CCDC141: variants seen among roughly 807,000 people sequenced by gnomAD.
The protein encoded by CCDC141 is coiled-coil domain containing 141.
CCDC141 carries 168 observed loss-of-function variants against 181.0 expected under a neutral mutation model. The ratio of observed to expected loss-of-function variants is 0.93; its 90% CI spans 0.82 to 1.05. The LOEUF is 1.05. CCDC141 is among the 50% of genes least tolerant of loss of function. The pLI is 0.00. For synonymous variants in CCDC141, 666 were observed against 642.3 expected (o/e 1.04, Z -0.56); for missense variants, 1,902 against 1,788.5 (o/e 1.06, Z -1.14).
intron 6 of CCDC141, among the ~76,000 whole-genome samples, chr2:178,922,095 T>C (rs924165779): frequency 6.6e-6 from 1 of 152,212 alleles, no homozygotes; most frequent in South Asian, 2.1e-4. Context: ...AAATGAAATA[T>C]AGCCATTGCG....
chr2:178,980,442 T>A (rs1419224073), intron 2 of CCDC141, among the ~76,000 whole-genome samples: 2 of 151,924 alleles, frequency 1.3e-5, no homozygotes, highest in Non-Finnish European at 2.9e-5. Flanking sequence ...AGAGCGAGAC[T>A]CTGTCTCAAA....
rs1690383201 is a variant in CCDC141 at position 178,961,252 on chromosome 2, T to C, written c.758A>G (p.Gln253Arg). The C allele has an allele frequency of 6.5e-7, 1 of 1,550,270 alleles. No homozygotes were observed. The highest frequency in any genetic ancestry group is 2.0e-5 in the Admixed American group (1 of 50,986). Reference sequence around the variant, plus strand: ...TACCTGGTTTTCTTGTTGGTCCCACTGACATATCTGCAGAACTTGACTCAA... The same window carrying C: ...TACCTGGTTTTCTTGTTGGTCCCACCGACATATCTGCAGAACTTGACTCAA... ...QELSQVLQIC[Q>R]WDQQENQVTC... The change falls in exon 5 of 24, where the codon CAG becomes CGG. Residue 253 changes from glutamine to arginine, a missense_variant. Gln to Arg is a conservative substitution (Grantham distance 43, BLOSUM62 1). Transcript: ENST00000443758.
chr2:178,857,228 T>C (rs915004734), intron 17 of CCDC141, among the ~76,000 whole-genome samples: 19 of 152,304 alleles, frequency 1.2e-4, no homozygotes, highest in African/African-American at 4.1e-4. Flanking sequence ...CAAAAAGCTA[T>C]CCATGTTGAA....
chr2:178,937,899 T>C (rs1368493076), intron 6 of CCDC141, among the ~76,000 whole-genome samples: 1 of 152,122 alleles, frequency 6.6e-6, no homozygotes, highest in African/African-American at 2.4e-5. Context: ...ATGGGGTCAG[T>C]GGTAACATTC....
chr2:178,821,935 C>G, the CCDC141 span, among the ~76,000 whole-genome samples: 2 of 152,140 alleles, frequency 1.3e-5, no homozygotes, highest in African/African-American at 4.8e-5. Context: ...ATAAATCATG[C>G]TGCTATAAAG....
chr2:178,859,748 A>G (rs1175730749), intron 17 of CCDC141, among the ~76,000 whole-genome samples: 1 of 152,234 alleles, frequency 6.6e-6, no homozygotes. Context: ...AACTATAGCT[A>G]TTTTGAAATT....
At chr2:178,897,741 G>A (rs977677569) in intron 8 of CCDC141, among the ~76,000 whole-genome samples, 2 of 152,138 alleles carry the variant, frequency 1.3e-5, no homozygotes, top group African/African-American at 4.8e-5. Context: ...AAGGTAGCCT[G>A]GTTTTGCTGG....
At chr2:178,982,309 AGAAAT>A (rs1417660092) in intron 2 of CCDC141, among the ~76,000 whole-genome samples, 1 of 152,224 alleles carries the variant, frequency 6.6e-6, no homozygotes, top group African/African-American at 2.4e-5. Flanking sequence ...TTCTTTATAA[AGAAAT>A]GAACAATCTA....
intron 17 of CCDC141, among the ~76,000 whole-genome samples, chr2:178,864,614 A>G (rs12465233): frequency 0.41 from 62,006 of 151,950 alleles, 13,181 homozygotes; most frequent in African/African-American, 0.51. Context: ...GAATCCAAGT[A>G]GCCACTCTTG....
At chr2:178,973,947 C>G (rs948244023) in intron 4 of CCDC141, among the ~76,000 whole-genome samples, 3 of 152,140 alleles carry the variant, frequency 2.0e-5, no homozygotes, top group African/African-American at 7.2e-5. Context: ...TGCTTTAAAG[C>G]ACAAACTTTT....
At chr2:178,929,441 A>G (rs1204639598) in intron 6 of CCDC141, among the ~76,000 whole-genome samples, 1 of 152,146 alleles carries the variant, frequency 6.6e-6, no homozygotes, top group Non-Finnish European at 1.5e-5. Flanking sequence ...TGATTATACA[A>G]ACTCTGGATA....
intron 2 of CCDC141, among the ~76,000 whole-genome samples, chr2:179,008,112 T>C (rs1363751617): frequency 1.3e-5 from 2 of 152,208 alleles, no homozygotes; most frequent in Non-Finnish European, 2.9e-5. Context: ...TGAACAGAAC[T>C]GCTGAAAGTC....
chr2:179,038,363 T>C (rs775554123), intron 2 of CCDC141, among the ~76,000 whole-genome samples: 4 of 152,108 alleles, frequency 2.6e-5, no homozygotes, highest in South Asian at 4.1e-4. Context: ...GTGGAAGTAA[T>C]AATTAGAGTT....
intron 2 of CCDC141, among the ~76,000 whole-genome samples, chr2:178,993,682 A>G (rs751169141): frequency 3.9e-5 from 6 of 152,106 alleles, no homozygotes; most frequent in Admixed American, 2.6e-4. Flanking sequence ...TTCAGCATTA[A>G]CTCAAAAGTC....
At chr2:178,821,957 C>T in the CCDC141 span, among the ~76,000 whole-genome samples, 16 of 152,192 alleles carry the variant, frequency 1.1e-4, no homozygotes, top group Non-Finnish European at 5.9e-5. Flanking sequence ...CACATGCACA[C>T]GTATGTTTAT....
At chr2:178,855,788 T>G (rs1351680506) in intron 18 of CCDC141, among the ~76,000 whole-genome samples, 2 of 152,246 alleles carry the variant, frequency 1.3e-5, no homozygotes, top group Admixed American at 1.3e-4. Flanking sequence ...ATATGATCTT[T>G]TTTAAAGACA....
intron 2 of CCDC141, among the ~76,000 whole-genome samples, chr2:179,004,771 C>T (rs2042077170): frequency 6.6e-6 from 1 of 152,116 alleles, no homozygotes; most frequent in Non-Finnish European, 1.5e-5. Context: ...TGCTCTGTTG[C>T]CCAGGCTGGA....
intron 2 of CCDC141, among the ~76,000 whole-genome samples, chr2:179,042,892 AC>A (rs2043356482): frequency 6.6e-6 from 1 of 152,194 alleles, no homozygotes; most frequent in Non-Finnish European, 1.5e-5. Context: ...AGATAGAGAC[AC>A]AAAAAAACCT....
In CCDC141 at chr2:178,872,207, C is replaced by A; in HGVS notation, c.2005G>T (p.Ala669Ser). The A allele has an allele frequency of 6.2e-7, 1 of 1,613,978 alleles. No homozygotes were observed. The change falls in exon 13 of 24, where the codon GCA becomes TCA. Residue 669 changes from alanine to serine, a missense_variant. Transcript: ENST00000443758. ...CTTTCCGTGGCTTTAAGCTGCCATGCCAGCCGAAGGAGGCTAAGTTCTTCC... is the reference window on the plus strand; with the variant it reads ...CTTTCCGTGGCTTTAAGCTGCCATGACAGCCGAAGGAGGCTAAGTTCTTCC... Reference protein sequence around the residue: ...EREELSLLRLAWQLKATESKP... With the variant: ...EREELSLLRLSWQLKATESKP...
Sources: allele counts gnomAD v4.1 joint callset (sites outside exome capture counted in the v4.1 genomes callset), GRCh38; gene constraint gnomAD v4.1.1; transcripts MANE v1.5; gene names NCBI Gene and HGNC (gene_info 2026-07-23, HGNC 2026-07-21).